The following SEMA3E variants were observed in gnomAD, a reference collection of about 807,000 sequenced individuals.
SEMA3E encodes semaphorin-3E.
In SEMA3E, 49 loss-of-function variants were observed where a neutral mutation model predicts 93.6. The ratio of observed to expected loss-of-function variants is 0.52; its 90% CI spans 0.42 to 0.66. The LOEUF is 0.66. SEMA3E is among the 30% of genes least tolerant of loss of function. The pLI is 0.00. For synonymous variants in SEMA3E, 363 were observed against 330.7 expected, an observed-to-expected ratio of 1.10 and a Z score of -1.06; for missense variants, 906 against 964.8, an observed-to-expected ratio of 0.94 and a Z score of 0.81.
chr7:83,432,735 C>T (rs1209755706), intron 4 of SEMA3E, among the ~76,000 whole-genome samples: 1 of 152,030 alleles, frequency 6.6e-6, no homozygotes, highest in Admixed American at 6.6e-5. Flanking sequence ...TCAAAGAGAA[C>T]TTGATCATTT....
intron 1 of SEMA3E, among the ~76,000 whole-genome samples, chr7:83,577,988 C>T (rs888655306): frequency 8.6e-5 from 13 of 151,756 alleles, no homozygotes; most frequent in Admixed American, 5.9e-4. Flanking sequence ...TTTGAGGAAA[C>T]GTGTAATCTA....
chr7:83,635,563 C>CAA (rs3839776), intron 1 of SEMA3E, among the ~76,000 whole-genome samples: 12 of 147,014 alleles, frequency 8.2e-5, no homozygotes, highest in South Asian at 2.1e-4. Context: ...AGTATAGTAC[C>CAA]AAAAAAAAAC....
intron 4 of SEMA3E, among the ~76,000 whole-genome samples, chr7:83,463,952 C>T (rs1249442005): frequency 6.6e-6 from 1 of 152,150 alleles, no homozygotes; most frequent in African/African-American, 2.4e-5. Context: ...GATACTTTCA[C>T]TGGATAGGTA....
rs540939609 is a variant in SEMA3E, at chr7:83,462,645, G to A, written c.456+3837C>T. Reference sequence around the variant, plus strand: ...CCTAATCACCTTTACCCCACTCAACGCCAATATCCCATCCCGCAGCACGCT... The same window carrying A: ...CCTAATCACCTTTACCCCACTCAACACCAATATCCCATCCCGCAGCACGCT... On this transcript the variant is annotated intron_variant, in intron 4 of 16. Transcript: ENST00000643230. 3.2e-3 allele frequency among the ~76,000 whole-genome samples: 490 copies of A among 151,634 alleles called. 2 individuals are homozygous for A. The highest frequency in any genetic ancestry group is 0.011 in the African/African-American group (451 of 41,272).
At chr7:83,496,629 T>A (rs1790496119) in intron 1 of SEMA3E, among the ~76,000 whole-genome samples, 1 of 152,082 alleles carries the variant, frequency 6.6e-6, no homozygotes, top group African/African-American at 2.4e-5. Context: ...GAATATTTTT[T>A]GCATATACTG....
At chr7:83,640,436 CCT>C (rs1793984013) in intron 1 of SEMA3E, among the ~76,000 whole-genome samples, 1 of 152,158 alleles carries the variant, frequency 6.6e-6, no homozygotes, top group South Asian at 2.1e-4. Context: ...TGCCCTAATT[CCT>C]CTCCTCTCCA....
At chr7:83,468,829 T>C (rs1474900675) in intron 3 of SEMA3E, among the ~76,000 whole-genome samples, 1 of 152,214 alleles carries the variant, frequency 6.6e-6, no homozygotes, top group African/African-American at 2.4e-5. Context: ...AATGTGTTTA[T>C]TGCCTCTCTC....
chr7:83,645,878 C>T (rs1194037493), intron 1 of SEMA3E, among the ~76,000 whole-genome samples: 1 of 151,840 alleles, frequency 6.6e-6, no homozygotes, highest in Non-Finnish European at 1.5e-5. Flanking sequence ...CATTTTTTTT[C>T]TGAACATATT....
At chr7:83,528,872 CTT>C (rs1239503089) in intron 1 of SEMA3E, among the ~76,000 whole-genome samples, 1 of 151,900 alleles carries the variant, frequency 6.6e-6, no homozygotes, top group Non-Finnish European at 1.5e-5. Context: ...TTCAGATAGT[CTT>C]TTAGATTTTT....
intron 1 of SEMA3E, among the ~76,000 whole-genome samples, chr7:83,503,970 C>A (rs1790647451): frequency 6.6e-6 from 1 of 151,598 alleles, no homozygotes; most frequent in Admixed American, 6.6e-5. Flanking sequence ...CCCCACTTGA[C>A]CTCTAATAAA....
At position 83,367,851 on chromosome 7, in the gene SEMA3E, T is replaced by C. The variant is rs1482202925; in HGVS notation, c.2063A>G (p.Glu688Gly). 6.2e-7 allele frequency: 1 copy of C among 1,613,050 alleles called. No homozygotes were observed. Among genetic ancestry groups the C allele is most frequent in the East Asian group, 2.2e-5 (1 of 44,852 alleles). ...VEDMFNKDDE[E>G]DRHHRMPCPA... is the part of the protein sequence containing the mutation. ...ACAAGGCATCCTGTGATGCCTGTCC[T>C]CCTCATCGTCCTTGTTAAACATATC... The change falls in exon 17 of 17, where the codon GAG becomes GGG. Residue 688 changes from glutamate (E) to glycine (G), a missense_variant. Transcript: ENST00000643230.
chr7:83,648,030 C>T (rs1295361722), intron 1 of SEMA3E, among the ~76,000 whole-genome samples: 3 of 152,176 alleles, frequency 2.0e-5, no homozygotes, highest in African/African-American at 7.2e-5. Flanking sequence ...ATAGCCCTTT[C>T]CCAGCATCCT....
chr7:83,531,626 T>C (rs1304508105), intron 1 of SEMA3E, among the ~76,000 whole-genome samples: 3 of 152,182 alleles, frequency 2.0e-5, no homozygotes, highest in Non-Finnish European at 4.4e-5. Context: ...GTGCTGGGAT[T>C]ACAGGCGTGA....
chr7:83,551,828 G>A (rs1791770673), intron 1 of SEMA3E, among the ~76,000 whole-genome samples: 1 of 152,096 alleles, frequency 6.6e-6, no homozygotes, highest in Non-Finnish European at 1.5e-5. Flanking sequence ...ACATGTAGCA[G>A]CATCCCTAGC....
Position 83,368,041 on chromosome 7 carries a change from G to A in SEMA3E, c.1876-3C>T. The A allele has an allele frequency of 6.2e-7, 1 of 1,613,292 alleles. No homozygotes were observed. Among genetic ancestry groups the A allele is most frequent in the Non-Finnish European group, 8.5e-7 (1 of 1,179,770 alleles). On this transcript the variant is annotated splice_polypyrimidine_tract_variant and splice_region_variant and intron_variant, in intron 16 of 16. Coordinates refer to ENST00000643230, the MANE Select transcript of SEMA3E (RefSeq NM_012431.3). ...ACCACTCTGTCATCTGTCTTCACCT[G>A]CAAAAACAAAAAAGTAAATGGCACT... is the stretch of plus-strand genomic sequence containing the variant.
At chr7:83,566,285 C>T (rs905022110) in intron 1 of SEMA3E, among the ~76,000 whole-genome samples, 2 of 151,816 alleles carry the variant, frequency 1.3e-5, no homozygotes, top group South Asian at 2.1e-4. Flanking sequence ...GGATTACAGG[C>T]GTGAGCCACT....
At chr7:83,567,949 A>G (rs1792197655) in intron 1 of SEMA3E, among the ~76,000 whole-genome samples, 1 of 152,030 alleles carries the variant, frequency 6.6e-6, no homozygotes. Context: ...CAAAGAAAAT[A>G]AAAAGTTGTT....
chr7:83,537,448 T>A (rs564935758), intron 1 of SEMA3E, among the ~76,000 whole-genome samples: 9 of 152,174 alleles, frequency 5.9e-5, no homozygotes, highest in Admixed American at 2.0e-4. Flanking sequence ...TTTTTAGTTG[T>A]CACAAACGGT....
chr7:83,405,998 A>T lies in SEMA3E; in HGVS notation c.875T>A (p.Leu292His). The T allele has an allele frequency of 6.2e-7, 1 of 1,613,460 alleles. No homozygotes were observed. Among genetic ancestry groups the T allele is most frequent in the Non-Finnish European group, 8.5e-7 (1 of 1,179,544 alleles). The change falls in exon 8 of 17, where the codon CTC becomes CAC. Residue 292 changes from leucine to histidine, a missense_variant. Transcript: ENST00000643230. ...ATTCATTCCTGGTACTGAGCAAACG[A>T]GTCTCGCTTTTAGGAAAGTGCTCCA... ...NKWSTFLKAR[L>H]VCSVPGMNGI...
Sources: allele counts gnomAD v4.1 joint callset (sites outside exome capture counted in the v4.1 genomes callset), GRCh38; gene constraint gnomAD v4.1.1; transcripts MANE v1.5; gene names NCBI Gene and HGNC (gene_info 2026-07-23, HGNC 2026-07-21).